TENM3: variants seen among roughly 807,000 people sequenced by gnomAD.
The protein encoded by TENM3 is teneurin transmembrane protein 3, also known as teneurin-3.
A neutral mutation model predicts 255.1 loss-of-function variants in TENM3; 63 were observed. That is an observed-to-expected ratio of 0.25 (90% CI 0.20 to 0.30). The LOEUF (loss-of-function observed/expected upper bound fraction) is 0.30, where lower values mean the gene tolerates loss of function less well. Ranked by LOEUF, TENM3 falls within the 10% of genes least tolerant of loss-of-function variation. The pLI, the probability that TENM3 is intolerant of heterozygous loss-of-function variation, is 1.00. For missense variants in TENM3, 2,929 were observed against 3,461.1 expected, an observed-to-expected ratio of 0.85 and a Z score of 3.86; for synonymous variants, 1,306 against 1,322.3, an observed-to-expected ratio of 0.99 and a Z score of 0.27.
chr4:181,793,608 AT>A, the TENM3 span, among the ~76,000 whole-genome samples: 3 of 152,222 alleles, frequency 2.0e-5, no homozygotes, highest in African/African-American at 7.2e-5. Flanking sequence ...GCTTAATATT[AT>A]CACTTGGTAT....
In TENM3 at chr4:182,311,083, T is replaced by C. The variant is rs374974687; in HGVS notation, c.-75-12863T>C. On this transcript the variant is annotated intron_variant, in intron 1 of 27. Coordinates refer to ENST00000511685, the MANE Select transcript of TENM3 (RefSeq NM_001080477.4). Reference sequence around the variant, plus strand: ...TGTCTCCTTTGATAACTGAACCACATAGGATGACAGACAAGCAAAGAGAAT... The same window carrying C: ...TGTCTCCTTTGATAACTGAACCACACAGGATGACAGACAAGCAAAGAGAAT... Among the ~76,000 whole-genome samples the C allele has an allele frequency of 9.2e-4, 140 of 152,278 alleles. 2 individuals are homozygous for C. The highest frequency in any genetic ancestry group is 3.0e-3 in the African/African-American group (123 of 41,564).
chr4:182,200,445 G>A (rs1258615425), intron 1 of TENM3, among the ~76,000 whole-genome samples: 1 of 152,068 alleles, frequency 6.6e-6, no homozygotes, highest in Non-Finnish European at 1.5e-5. Context: ...TTTTTTCAGT[G>A]CTCTCAATTT....
the TENM3 span, among the ~76,000 whole-genome samples, chr4:181,497,492 A>G: frequency 6.6e-6 from 1 of 152,346 alleles, no homozygotes; most frequent in East Asian, 1.9e-4. Flanking sequence ...GAAAGAAAAC[A>G]TAAGTTTGTT....
chr4:182,248,302 A>G (rs1561240689), intron 1 of TENM3, among the ~76,000 whole-genome samples: 1 of 152,230 alleles, frequency 6.6e-6, no homozygotes, highest in Admixed American at 6.5e-5. Context: ...CTAAAAAAGT[A>G]TATCAATAGT....
chr4:181,605,556 A>G, the TENM3 span, among the ~76,000 whole-genome samples: 3,100 of 30,334 alleles, frequency 0.1, 445 homozygotes, highest in Middle Eastern at 0.24. Context: ...GAAAGAAAGA[A>G]AGAAAGAAAG....
the TENM3 span, among the ~76,000 whole-genome samples, chr4:182,099,932 G>C: frequency 1.3e-5 from 2 of 152,232 alleles, no homozygotes. Flanking sequence ...CTGAACAATT[G>C]TACCTTTAGA....
chr4:181,827,814 G>A, the TENM3 span, among the ~76,000 whole-genome samples: 1 of 152,122 alleles, frequency 6.6e-6, no homozygotes. Context: ...GAGCAGCTGT[G>A]AGAGTCATTG....
At chr4:182,058,412 T>C in the TENM3 span, among the ~76,000 whole-genome samples, 4 of 152,176 alleles carry the variant, frequency 2.6e-5, no homozygotes, top group Non-Finnish European at 2.9e-5. Flanking sequence ...TTAGGTGATA[T>C]GTTGACTCCA....
chr4:181,477,435 G>A, the TENM3 span, among the ~76,000 whole-genome samples: 21 of 152,078 alleles, frequency 1.4e-4, no homozygotes, highest in African/African-American at 3.6e-4. Context: ...AAGTTCAGGA[G>A]GAATCAAAAT....
chr4:182,337,354 A>G (rs1157296166), intron 2 of TENM3, among the ~76,000 whole-genome samples: 3 of 152,248 alleles, frequency 2.0e-5, no homozygotes, highest in Non-Finnish European at 1.5e-5. Flanking sequence ...ACAACAAAAG[A>G]TAAATAACCA....
intron 4 of TENM3, among the ~76,000 whole-genome samples, chr4:182,622,328 C>T (rs1219299958): frequency 6.6e-6 from 1 of 152,054 alleles, no homozygotes; most frequent in Non-Finnish European, 1.5e-5. Context: ...GCCTAGATGA[C>T]AAGAGCAAAA....
the TENM3 span, among the ~76,000 whole-genome samples, chr4:181,559,935 T>G: frequency 6.6e-6 from 1 of 152,358 alleles, no homozygotes; most frequent in Admixed American, 6.5e-5. Flanking sequence ...ATTAATTCAC[T>G]TAAAGATTTG....
chr4:181,560,787 C>G, the TENM3 span, among the ~76,000 whole-genome samples: 1 of 152,124 alleles, frequency 6.6e-6, no homozygotes, highest in South Asian at 2.1e-4. Flanking sequence ...GCGTGCCCAG[C>G]ACCCCGCCTG....
At chr4:181,472,734 G>A in the TENM3 span, among the ~76,000 whole-genome samples, 1 of 152,188 alleles carries the variant, frequency 6.6e-6, no homozygotes, top group Non-Finnish European at 1.5e-5. Context: ...TTGGGTCTTT[G>A]TTTCACAGCG....
At chr4:182,710,641 T>A (rs1259267069) in intron 12 of TENM3, among the ~76,000 whole-genome samples, 1 of 152,208 alleles carries the variant, frequency 6.6e-6, no homozygotes, top group East Asian at 1.9e-4. Context: ...GTGGCCCAAC[T>A]GAGGGTTACA....
intron 3 of TENM3, among the ~76,000 whole-genome samples, chr4:182,437,111 G>A (rs1179143972): frequency 1.3e-5 from 2 of 151,810 alleles, no homozygotes; most frequent in East Asian, 1.9e-4. Flanking sequence ...GCATTGAAAT[G>A]TGCCTACTAT....
chr4:181,488,387 C>T, the TENM3 span, among the ~76,000 whole-genome samples: 1 of 152,126 alleles, frequency 6.6e-6, no homozygotes, highest in African/African-American at 2.4e-5. Context: ...TTATCTCTGA[C>T]CCTCCTGATT....
chr4:181,563,126 G>A, the TENM3 span, among the ~76,000 whole-genome samples: 1 of 152,206 alleles, frequency 6.6e-6, no homozygotes, highest in African/African-American at 2.4e-5. Flanking sequence ...CGGGGAGGGT[G>A]GCTTAAACAG....
At chr4:182,059,888 GTGCCACT>G in the TENM3 span, among the ~76,000 whole-genome samples, 1 of 151,886 alleles carries the variant, frequency 6.6e-6, no homozygotes, top group Non-Finnish European at 1.5e-5. Flanking sequence ...AGCCATGATT[GTGCCACT>G]GCACTCCAGT....
Sources: allele counts gnomAD v4.1 joint callset (sites outside exome capture counted in the v4.1 genomes callset), GRCh38; gene constraint gnomAD v4.1.1; transcripts MANE v1.5; gene names NCBI Gene and HGNC (gene_info 2026-07-23, HGNC 2026-07-21).